The following ATP1A2 variants were observed in gnomAD, a reference collection of about 807,000 sequenced individuals.
ATP1A2 encodes ATPase Na+/K+ transporting subunit alpha 2, also known as sodium/potassium-transporting ATPase subunit alpha-2.
Under a neutral mutation model 113.1 loss-of-function variants are expected in ATP1A2, and 56 were observed. The ratio of observed to expected loss-of-function variants is 0.49; its 90% CI spans 0.40 to 0.62. The LOEUF is 0.62. ATP1A2 is among the 20% of genes least tolerant of loss of function. The probability of loss-of-function intolerance (pLI) is 0.00; values close to 1 mark genes in which losing one functional copy is unlikely to be tolerated. For missense variants in ATP1A2, 712 were observed against 1,357.8 expected (o/e 0.52, Z 7.47); for synonymous variants, 490 against 526.8 (o/e 0.93, Z 0.96).
At position 160,135,569 on chromosome 1, in the gene ATP1A2, A is replaced by G. The variant is rs1651910730; in HGVS notation, c.2251A>G (p.Asn751Asp). ...AGCCGACATGATCCTGCTGGATGAC[A>G]ACTTTGCCTCCATCGTCACGGGGGT... ...QAADMILLDDNFASIVTGVEE... is the reference protein window; with the variant it reads ...QAADMILLDDDFASIVTGVEE... The change falls in exon 16 of 23, where the codon AAC becomes GAC. Residue 751 changes from asparagine (N) to aspartate (D), a missense_variant. By Grantham distance (23) the Asn-to-Asp change is conservative (BLOSUM62 1). Transcript: ENST00000361216. The surrounding 1 kb of genome is among the most constrained non-coding windows in gnomAD (Gnocchi z 6.3). The G allele has an allele frequency of 3.7e-6, 6 of 1,614,088 alleles. No individual in the cohort carries two copies. Among genetic ancestry groups the G allele is most frequent in the Non-Finnish European group, 4.2e-6 (5 of 1,179,990 alleles).
chr1:160,138,599 T>C (rs998178545), intron 20 of ATP1A2, among the ~76,000 whole-genome samples: 7 of 152,254 alleles, frequency 4.6e-5, no homozygotes, highest in Admixed American at 1.3e-4. Flanking sequence ...CCCAGCACTT[T>C]GGGAGGCTGA....
chr1:160,134,544 A>C lies in ATP1A2; in HGVS notation c.1888A>C (p.Ile630Leu), dbSNP rs1382260409. Residue 630 changes from isoleucine to leucine, a missense_variant, in exon 14 of 23, where the codon ATC (isoleucine) becomes CTC (leucine). Ile to Leu is a conservative substitution (Grantham distance 5). This residue lies in a region of ATP1A2 where 263 missense variants were observed against 380.6 expected (regional missense o/e 0.69). Transcript: ENST00000361216. ...TAKAIAKGVG[I>L]ISEGNETVED... Reference sequence around the variant, plus strand: ...CAAGGCCATTGCCAAAGGCGTGGGCATCATATCAGAGGGTAACGAGACTGT... The same window carrying C: ...CAAGGCCATTGCCAAAGGCGTGGGCCTCATATCAGAGGGTAACGAGACTGT... 1 of 1,614,108 alleles carries C rather than the reference A, an allele frequency of 6.2e-7. No individual in the cohort carries two copies. The highest frequency in any genetic ancestry group is 1.3e-5 in the African/African-American group (1 of 74,926).
chr1:160,120,775 C>A (rs960081249), intron 1 of ATP1A2, 131 bp from the exon 2 acceptor site: 5 of 901,778 alleles, frequency 5.5e-6, no homozygotes, highest in African/African-American at 3.3e-5. Flanking sequence ...CTCCATCCCC[C>A]CTATCTCCCC....
intron 13 of ATP1A2, among the ~76,000 whole-genome samples, chr1:160,131,064 A>G (rs1651755727): frequency 6.7e-6 from 1 of 150,218 alleles, no homozygotes; most frequent in African/African-American, 2.5e-5. Context: ...CTCACTGACC[A>G]CTCCCTCCTC....
chr1:160,127,763 C>G lies in ATP1A2; in HGVS notation c.960C>G (p.Ile320Met). The change falls in exon 8 of 23, where the codon ATC becomes ATG. Residue 320 changes from isoleucine (I) to methionine (M), a missense_variant. By Grantham distance (10) the Ile-to-Met change is conservative. Around this residue, in one of 6 missense-constraint regions of ATP1A2, gnomAD observed 44 missense variants for 153.1 expected, o/e 0.29. Transcript: ENST00000361216. ...GCTACAGCTGGCTGGAGGCAGTCATCTTCCTCATCGGCATCATAGTGGCCA... is the reference window on the plus strand; with the variant it reads ...GCTACAGCTGGCTGGAGGCAGTCATGTTCCTCATCGGCATCATAGTGGCCA... ...ILGYSWLEAV[I>M]FLIGIIVANV... is the part of the protein sequence containing the mutation. The G allele has an allele frequency of 6.2e-7, 1 of 1,614,046 alleles. No homozygotes were observed. The highest frequency in any genetic ancestry group is 8.5e-7 in the Non-Finnish European group (1 of 1,179,928).
At position 160,141,301 on chromosome 1, in the gene ATP1A2, G is replaced by A; in HGVS notation, c.3042G>A (p.Val1014=). ...TCCCAATCTCTCTAACAGGCTGGGTGGAGAAGGAGACATACTACTGACCCC... is the reference window on the plus strand; with the variant it reads ...TCCCAATCTCTCTAACAGGCTGGGTAGAGAAGGAGACATACTACTGACCCC... ...LILRRYPGGW[V]EKETYY Residue 1014 remains valine (V), a synonymous_variant, in exon 23 of 23, where the codon GTG becomes GTA. Coordinates refer to ENST00000361216, the MANE Select transcript of ATP1A2 (RefSeq NM_000702.4). The A allele has an allele frequency of 6.2e-7, 1 of 1,614,136 alleles. No homozygotes were observed. Among genetic ancestry groups the A allele is most frequent in the Non-Finnish European group, 8.5e-7 (1 of 1,179,994 alleles).
rs770381135 is a variant in ATP1A2 at position 160,127,790 on chromosome 1, C to T, written c.987C>T (p.Asn329=). The change falls in exon 8 of 23, where the codon AAC becomes AAT. Residue 329 remains asparagine, a synonymous_variant. Transcript: ENST00000361216. Reference sequence around the variant, plus strand: ...TCCTCATCGGCATCATAGTGGCCAACGTGCCTGAGGGGCTTCTGGCCACTG... The same window carrying T: ...TCCTCATCGGCATCATAGTGGCCAATGTGCCTGAGGGGCTTCTGGCCACTG... The part of the protein sequence containing the change: ...VIFLIGIIVA[N]VPEGLLATVT... 5.4e-5 allele frequency: 87 copies of T among 1,611,466 alleles called. 1 individual carries two copies. The highest frequency in any genetic ancestry group is 3.3e-4 in the Middle Eastern group (2 of 6,074).
chr1:160,141,575 C>T lies in ATP1A2; in HGVS notation c.*253C>T, dbSNP rs78930771. On this transcript the variant is annotated 3_prime_UTR_variant, in exon 23 of 23. Coordinates refer to ENST00000361216, the MANE Select transcript of ATP1A2 (RefSeq NM_000702.4). ...GACCAGATCCTTTTCCATCCCACTC[C>T]ACTATGTTGTCTATTTTTTCTGAGG... 16,898 of 564,168 alleles carry T rather than the reference C, an allele frequency of 0.03. 330 individuals carry two copies. Among genetic ancestry groups the T allele is most frequent in the Middle Eastern group, 0.06 (123 of 2,048 alleles). The allele number at this position is 564,168 out of a possible 1,614,324, so 34.9% of individuals were successfully genotyped here.
Position 160,116,848 on chromosome 1 carries a change from C to T in ATP1A2, c.12+975C>T, listed in dbSNP as rs558644901. The stretch of plus-strand genomic sequence containing the variant: ...GGAGTCAGGCAAGGACATGTTATTG[C>T]ACCTAGTTGAGCAGCTGGGAAATCC... On this transcript the variant is annotated intron_variant, in intron 1 of 22. Transcript: ENST00000361216. 2.6e-5 allele frequency among the ~76,000 whole-genome samples: 4 copies of T among 152,236 alleles called. 1 individual carries two copies. Among genetic ancestry groups the T allele is most frequent in the African/African-American group, 9.6e-5 (4 of 41,528 alleles).
At chr1:160,131,377 A>G (rs971466105) in intron 13 of ATP1A2, among the ~76,000 whole-genome samples, 12 of 152,370 alleles carry the variant, frequency 7.9e-5, no homozygotes, top group African/African-American at 2.6e-4. Flanking sequence ...TGCCAAGGCC[A>G]CACAGCTAGT....
intron 1 of ATP1A2, among the ~76,000 whole-genome samples, chr1:160,117,295 G>A (rs1196566210): frequency 6.6e-6 from 1 of 152,094 alleles, no homozygotes; most frequent in Non-Finnish European, 1.5e-5. Context: ...AAGAGGCAGG[G>A]GTTAAAGGAT....
rs765818207 is a variant in ATP1A2, at chr1:160,125,269, G to GC, written c.748+21dup. On this transcript the variant is annotated intron_variant, in intron 7 of 22. Transcript: ENST00000361216. ...TGTGTTGAAGGTGAGAAGCCAGGCT[G>GC]CCCCCTGTAGGAAAGAGTCTGAATC... The GC allele has an allele frequency of 6.3e-7, 1 of 1,596,790 alleles. No individual in the cohort carries two copies. Among genetic ancestry groups the GC allele is most frequent in the Non-Finnish European group, 8.6e-7 (1 of 1,164,286 alleles).
chr1:160,131,943 C>G (rs1651788533), intron 13 of ATP1A2, among the ~76,000 whole-genome samples: 1 of 152,180 alleles, frequency 6.6e-6, no homozygotes, highest in South Asian at 2.1e-4. Flanking sequence ...ATCTGCTTGA[C>G]CGGAAAGCCT....
Position 160,141,352 on chromosome 1 carries a change from A to G in ATP1A2, c.*30A>G. 1 of 1,613,478 alleles carries G rather than the reference A, an allele frequency of 6.2e-7. No individual in the cohort carries two copies. Among genetic ancestry groups the G allele is most frequent in the Non-Finnish European group, 8.5e-7 (1 of 1,179,374 alleles). The stretch of plus-strand genomic sequence containing the variant: ...ATTGGAAGAAGAACCAGGCATGGAA[A>G]GATGGGGAGCTCTGGAGGTGTTGTG... On this transcript the variant is annotated 3_prime_UTR_variant, in exon 23 of 23. Coordinates refer to ENST00000361216, the MANE Select transcript of ATP1A2 (RefSeq NM_000702.4).
chr1:160,116,150 C>T (rs1050807691), intron 1 of ATP1A2, among the ~76,000 whole-genome samples: 9 of 152,208 alleles, frequency 5.9e-5, no homozygotes, highest in Non-Finnish European at 1.3e-4. Context: ...CCCTCCACCC[C>T]ACTCCCACAT....
chr1:160,126,634 A>AATAT (rs201825459), intron 7 of ATP1A2, among the ~76,000 whole-genome samples: 4 of 151,736 alleles, frequency 2.6e-5, no homozygotes, highest in African/African-American at 9.7e-5. Context: ...ACACCCAGCT[A>AATAT]ATATATATAT....
chr1:160,123,934 C>G lies in ATP1A2; in HGVS notation c.382-9C>G, dbSNP rs1158846170. On this transcript the variant is annotated splice_polypyrimidine_tract_variant and intron_variant, in intron 4 of 22. Transcript: ENST00000361216. ...AGGTCAGGTCCCTGAAACTCTTTCT[C>G]CTTACCAGCTATATCTGGGTGTGGT... 6.2e-7 allele frequency: 1 copy of G among 1,613,968 alleles called. No individual in the cohort carries two copies. The highest frequency in any genetic ancestry group is 8.5e-7 in the Non-Finnish European group (1 of 1,179,858).
intron 3 of ATP1A2, 54 bp from the exon 4 acceptor site, chr1:160,123,159 A>T: frequency 6.3e-7 from 1 of 1,597,760 alleles, no homozygotes. Context: ...GGGCATGGTG[A>T]CTGGCTGGGT....
intron 8 of ATP1A2, chr1:160,128,248 T>A (rs1030294763): frequency 7.1e-6 from 3 of 422,876 alleles, no homozygotes; most frequent in Non-Finnish European, 1.3e-5. Context: ...GATGTGTCAC[T>A]ATCCTGGTTC....
Sources: gnomAD v4.1 joint callset for allele counts (sites outside exome capture counted in the v4.1 genomes callset) on GRCh38, gnomAD v4.1.1 for gene constraint, gnomAD v4.1.1 regional missense constraint, Gnocchi (gnomAD v3.1) non-coding constraint, MANE v1.5 for transcripts, NCBI Gene and HGNC (gene_info 2026-07-23, HGNC 2026-07-21) for gene names.